The following PPP2R2C variants were observed in gnomAD, a reference collection of about 807,000 sequenced individuals.
PPP2R2C encodes protein phosphatase 2, regulatory subunit B, gamma.
A neutral mutation model predicts 45.3 loss-of-function variants in PPP2R2C; 10 were observed. The observed-to-expected ratio is 0.22, with a 90% CI of 0.14 to 0.37. PPP2R2C has a LOEUF of 0.37. Among genes scored for constraint, PPP2R2C ranks in the 10% least tolerant of loss-of-function variants. PPP2R2C has a pLI of 1.00. For missense variants in PPP2R2C, 308 were observed against 619.7 expected (o/e 0.50, Z 5.34); for synonymous variants, 257 against 245.4 (o/e 1.05, Z -0.44).
chr4:6,343,082 C>T (rs75785524), intron 6 of PPP2R2C, among the ~76,000 whole-genome samples: 4,873 of 152,262 alleles, frequency 0.032, 256 homozygotes, highest in African/African-American at 0.11. Context: ...TCCCCAAATC[C>T]CTTTTAAAAA....
chr4:6,381,962 CTGGGAG>C, intron 1 of PPP2R2C: 1 of 1,468,988 alleles, frequency 6.8e-7, no homozygotes, highest in African/African-American at 1.4e-5. Flanking sequence ...GTGGCCAGCC[CTGGGAG>C]TGGGGGAGAG....
intron 1 of PPP2R2C, among the ~76,000 whole-genome samples, chr4:6,560,048 A>G (rs902897135): frequency 6.6e-6 from 1 of 152,220 alleles, no homozygotes; most frequent in African/African-American, 2.4e-5. Flanking sequence ...CATGTCCCTT[A>G]AGGTGTTGGG....
Position 6,546,246 on chromosome 4 carries a change from G to A in PPP2R2C, c.-58-10869C>T, listed in dbSNP as rs190359175. Among the ~76,000 whole-genome samples the A allele has an allele frequency of 8.9e-4, 136 of 152,244 alleles. 1 individual carries two copies. The highest frequency in any genetic ancestry group is 1.2e-3 in the East Asian group (6 of 5,184). ...GCTGCAGTACAGCCAGAGTCAAACC[G>A]GTGATCACGGGCAAGGCAGGGTTGA... is the stretch of plus-strand genomic sequence containing the variant. On this transcript the variant is annotated intron_variant, in intron 1 of 9. Coordinates refer to the PPP2R2C transcript ENST00000506140.
rs1438558407 is a variant in PPP2R2C at position 6,345,538 on chromosome 4, CA to C, written c.790+2307del. On this transcript the variant is annotated intron_variant, in intron 6 of 8. Transcript: ENST00000382599. The surrounding 1 kb of genome is among the most constrained non-coding windows in gnomAD (Gnocchi z 5.3). ...AGGGCCTTTATACGCGAAAGACAGACAGGAGGGTCAGAGACGTGAGAGAGGC... is the reference window on the plus strand; with the variant it reads ...AGGGCCTTTATACGCGAAAGACAGACGGAGGGTCAGAGACGTGAGAGAGGC... Among the ~76,000 whole-genome samples the C allele has an allele frequency of 6.6e-6, 1 of 152,146 alleles. No individual in the cohort carries two copies.
chr4:6,469,999 C>A (rs1052290226), intron 1 of PPP2R2C, among the ~76,000 whole-genome samples: 1 of 152,206 alleles, frequency 6.6e-6, no homozygotes, highest in African/African-American at 2.4e-5. Context: ...GGTGAGCCTT[C>A]GTATGAGGTC....
At chr4:6,532,152 C>G (rs904759560) in intron 2 of PPP2R2C, among the ~76,000 whole-genome samples, 1 of 152,232 alleles carries the variant, frequency 6.6e-6, no homozygotes, top group African/African-American at 2.4e-5. Flanking sequence ...CCAACTTGTC[C>G]TCTCTAACCT....
intron 1 of PPP2R2C, among the ~76,000 whole-genome samples, chr4:6,420,136 T>C (rs1718863597): frequency 6.6e-6 from 1 of 151,980 alleles, no homozygotes; most frequent in Admixed American, 6.6e-5. Flanking sequence ...TATGTGTATG[T>C]CTCTCTCAGT....
intron 2 of PPP2R2C, among the ~76,000 whole-genome samples, chr4:6,494,246 G>A (rs1004863078): frequency 2.6e-5 from 4 of 152,160 alleles, no homozygotes; most frequent in Admixed American, 6.5e-5. Flanking sequence ...CACAGGGGAC[G>A]CAGGAGATCC....
chr4:6,430,869 G>A (rs10018178), intron 1 of PPP2R2C, among the ~76,000 whole-genome samples: 7,393 of 151,938 alleles, frequency 0.049, 586 homozygotes, highest in African/African-American at 0.17. Context: ...AGGTTGCAGT[G>A]AGCCAAGATC....
chr4:6,475,764 G>T (rs1560575232), upstream of PPP2R2C, among the ~76,000 whole-genome samples: 1 of 152,226 alleles, frequency 6.6e-6, no homozygotes, highest in Non-Finnish European at 1.5e-5. Flanking sequence ...CCCCCAACTT[G>T]TTGTAATTGA....
chr4:6,509,233 A>T (rs1560591789), intron 2 of PPP2R2C, among the ~76,000 whole-genome samples: 1 of 152,194 alleles, frequency 6.6e-6, no homozygotes, highest in Non-Finnish European at 1.5e-5. Flanking sequence ...AGCAAAGCTG[A>T]AACACTCCAG....
At chr4:6,442,283 G>A (rs1417672815) in intron 1 of PPP2R2C, among the ~76,000 whole-genome samples, 1 of 152,242 alleles carries the variant, frequency 6.6e-6, no homozygotes, top group Non-Finnish European at 1.5e-5. Context: ...CCTCCCAGCC[G>A]TGGGCTGATT....
Position 6,337,127 on chromosome 4 carries a change from T to C in PPP2R2C, c.791-3396A>G, listed in dbSNP as rs1163132882. On this transcript the variant is annotated intron_variant, in intron 6 of 8. Transcript: ENST00000382599. ...ATGTGTGTGTGTATATATATATATA[T>C]ATATATATATATATATATATATATA... 1.8e-4 allele frequency among the ~76,000 whole-genome samples: 8 copies of C among 45,018 alleles called. 1 individual carries two copies. The highest frequency in any genetic ancestry group is 4.0e-5 in the Non-Finnish European group (1 of 24,922). 29.5% of individuals were successfully genotyped at this position (45,018 alleles called of 152,430 possible). A position where few individuals can be genotyped will look rare whatever the true frequency, so the allele number is the denominator to read the frequency against.
Position 6,345,602 on chromosome 4 carries a change from C to G in PPP2R2C, c.790+2244G>C, listed in dbSNP as rs149496752. 1.4e-4 allele frequency among the ~76,000 whole-genome samples: 22 copies of G among 152,192 alleles called. No homozygotes were observed. In the East Asian group the frequency reaches 3.7e-3, roughly 25 times the overall value. ...GGCTGGGAGGATGGGGGAGGGGCCA[C>G]GTGCCAGGGAACGCAGCGCCTCTAG... On this transcript the variant is annotated intron_variant, in intron 6 of 8. Coordinates refer to ENST00000382599, the MANE Select transcript of PPP2R2C (RefSeq NM_020416.4). The surrounding 1 kb of genome is among the most constrained non-coding windows in gnomAD (Gnocchi z 5.3).
intron 1 of PPP2R2C, among the ~76,000 whole-genome samples, chr4:6,436,976 C>T (rs2109420027): frequency 6.6e-6 from 1 of 152,266 alleles, no homozygotes; most frequent in South Asian, 2.1e-4. Flanking sequence ...GCCAAGTGAA[C>T]ATTTCAATAT....
intron 1 of PPP2R2C, among the ~76,000 whole-genome samples, chr4:6,546,732 C>G (rs755618606): frequency 3.3e-5 from 5 of 152,200 alleles, no homozygotes; most frequent in Non-Finnish European, 5.9e-5. Context: ...CTCAGGAGCT[C>G]CCGGGCCCAT....
At chr4:6,555,476 A>T (rs1725366263) in intron 1 of PPP2R2C, 1 of 152,282 alleles carries the variant, frequency 6.6e-6, no homozygotes, top group African/African-American at 2.4e-5. Context: ...GTGGCTGTGC[A>T]GGTGACAGTC....
At position 6,452,136 on chromosome 4, in the gene PPP2R2C, A is replaced by C. The variant is rs550625028; in HGVS notation, c.70+20024T>G. 2.0e-5 allele frequency among the ~76,000 whole-genome samples: 3 copies of C among 152,034 alleles called. No individual in the cohort carries two copies. In the East Asian group the frequency reaches 5.8e-4, roughly 29 times the overall value. The stretch of plus-strand genomic sequence containing the variant: ...CTGGGAGTGGGGTCCCAGCCCCAAG[A>C]GCCTGGACAGGAAGCAGGAGGGACC... On this transcript the variant is annotated intron_variant, in intron 1 of 8. Coordinates refer to ENST00000382599, the MANE Select transcript of PPP2R2C (RefSeq NM_020416.4).
chr4:6,331,484 T>C lies in PPP2R2C; in HGVS notation c.960+2078A>G, dbSNP rs939880608. Among the ~76,000 whole-genome samples the C allele has an allele frequency of 6.6e-6, 1 of 152,118 alleles. No individual in the cohort carries two copies. Among genetic ancestry groups the C allele is most frequent in the Non-Finnish European group, 1.5e-5 (1 of 68,016 alleles). The stretch of plus-strand genomic sequence containing the variant: ...TGCCTTCTTCAACCACAGAGGCTGT[T>C]AAACCATTAATCTTCCCAGCCACTA... On this transcript the variant is annotated intron_variant, in intron 7 of 8. Coordinates refer to ENST00000382599, the MANE Select transcript of PPP2R2C (RefSeq NM_020416.4). This position sits in a 1 kb window ranked among gnomAD's most constrained non-coding sequence, Gnocchi z 5.9.
Sources: gnomAD v4.1 joint callset for allele counts (sites outside exome capture counted in the v4.1 genomes callset) on GRCh38, gnomAD v4.1.1 for gene constraint, Gnocchi (gnomAD v3.1) non-coding constraint, MANE v1.5 for transcripts, NCBI Gene and HGNC (gene_info 2026-07-23, HGNC 2026-07-21) for gene names.